Variants in MORC1 observed in about 807,000 individuals in gnomAD.
MORC1 encodes MORC family CW-type zinc finger protein 1.
Under a neutral mutation model 134.9 loss-of-function variants are expected in MORC1, and 59 were observed. The observed-to-expected ratio is 0.44, with a 90% CI of 0.35 to 0.54. MORC1 has a LOEUF of 0.54. Among genes scored for constraint, MORC1 ranks in the 20% least tolerant of loss-of-function variants. MORC1 has a pLI of 0.00. For missense variants in MORC1, 947 were observed against 1,134.5 expected, an observed-to-expected ratio of 0.83 and a Z score of 2.37; for synonymous variants, 395 against 391.7, an observed-to-expected ratio of 1.01 and a Z score of -0.10.
Position 109,099,485 on chromosome 3 carries a change from ACAT to A in MORC1, c.315-22_315-20del. 6.4e-7 allele frequency: 1 copy of A among 1,572,614 alleles called. No individual in the cohort carries two copies. The highest frequency in any genetic ancestry group is 8.7e-7 in the Non-Finnish European group (1 of 1,152,990). ...GGACCCACTATATTAAAAATGAAGA[ACAT>A]CATGTTTTACACCTCAAATACTAAA... On this transcript the variant is annotated intron_variant, in intron 5 of 27. Transcript: ENST00000232603.
At chr3:109,003,774 T>C (rs796766534) in intron 20 of MORC1, among the ~76,000 whole-genome samples, 4 of 152,100 alleles carry the variant, frequency 2.6e-5, no homozygotes, top group Non-Finnish European at 4.4e-5. Context: ...GCTCATATAG[T>C]CTCAAGAAAA....
intron 21 of MORC1, among the ~76,000 whole-genome samples, chr3:108,993,132 C>A (rs1019655956): frequency 6.6e-6 from 1 of 152,098 alleles, no homozygotes; most frequent in African/African-American, 2.4e-5. Context: ...CAGCCTGTAT[C>A]CTTTCCATAA....
intron 16 of MORC1, 56 bp downstream of exon 16, chr3:109,032,664 T>C (rs1949267610): frequency 8.1e-7 from 1 of 1,233,390 alleles, no homozygotes; most frequent in Non-Finnish European, 1.1e-6. Context: ...GGTTCATACA[T>C]ATGAACTTTA....
chr3:109,014,946 C>T (rs549011914), intron 17 of MORC1, among the ~76,000 whole-genome samples: 3 of 152,166 alleles, frequency 2.0e-5, no homozygotes, highest in Admixed American at 6.5e-5. Flanking sequence ...AGTGCAGTGG[C>T]GTAATCTCGG....
At chr3:109,005,908 C>A (rs529901785) in intron 18 of MORC1, among the ~76,000 whole-genome samples, 88 of 152,296 alleles carry the variant, frequency 5.8e-4, no homozygotes, top group African/African-American at 2.1e-3. Flanking sequence ...CGCAACAGTG[C>A]TGAGGGCTCA....
rs780978522 is a variant in MORC1 at position 108,971,414 on chromosome 3, A to G, written c.2478-12T>C. On this transcript the variant is annotated splice_polypyrimidine_tract_variant and intron_variant, in intron 24 of 27. Coordinates refer to ENST00000232603, the MANE Select transcript of MORC1 (RefSeq NM_014429.4). Reference sequence around the variant, plus strand: ...ACAGAAGAATCTCCCTAGGAATACAAGCACAGCAGATATGGGAATATACTA... The same window carrying G: ...ACAGAAGAATCTCCCTAGGAATACAGGCACAGCAGATATGGGAATATACTA... The G allele has an allele frequency of 3.1e-6, 5 of 1,606,292 alleles. No homozygotes were observed. Among genetic ancestry groups the G allele is most frequent in the Non-Finnish European group, 4.3e-6 (5 of 1,173,178 alleles).
At chr3:108,985,898 T>C (rs1163497846) in intron 22 of MORC1, among the ~76,000 whole-genome samples, 1 of 152,176 alleles carries the variant, frequency 6.6e-6, no homozygotes, top group Non-Finnish European at 1.5e-5. Flanking sequence ...GATGGTGGAA[T>C]TGCAAATTAT....
At chr3:108,981,230 T>A (rs1263781863) in intron 23 of MORC1, among the ~76,000 whole-genome samples, 1 of 152,208 alleles carries the variant, frequency 6.6e-6, no homozygotes. Flanking sequence ...CCTTTCATGC[T>A]GATGTCCATA....
intron 8 of MORC1, among the ~76,000 whole-genome samples, chr3:109,090,484 G>A (rs982070563): frequency 1.3e-5 from 2 of 151,856 alleles, no homozygotes; most frequent in African/African-American, 4.8e-5. Context: ...GCCTGGAGTA[G>A]TGGCACATGC....
In MORC1 at chr3:109,110,753, A is replaced by G; in HGVS notation, c.150T>C (p.Phe50=). Residue 50 remains phenylalanine (F), a synonymous_variant, in exon 3 of 28, where the codon TTT becomes TTC. Transcript: ENST00000232603. The stretch of plus-strand genomic sequence containing the variant: ...GAAGAAAGCAAATCTGCTCACCTGA[A>G]AAGACATCAAGTCTTTCAGCCCCTG... ...RDAGAERLDV[F]SVDNEKLQGG... 6.3e-7 allele frequency: 1 copy of G among 1,586,730 alleles called. No homozygotes were observed. Among genetic ancestry groups the G allele is most frequent in the Non-Finnish European group, 8.5e-7 (1 of 1,173,224 alleles).
At chr3:108,979,689 T>C (rs902495749) in intron 23 of MORC1, 22 bp from the exon 24 acceptor site, 8 of 1,609,242 alleles carry the variant, frequency 5.0e-6, no homozygotes, top group Non-Finnish European at 6.8e-6. Flanking sequence ...CATTTCAAAG[T>C]AGAAATCATG....
At chr3:109,059,723 C>T in intron 12 of MORC1, 83 bp downstream of exon 12, 1 of 1,204,464 alleles carries the variant, frequency 8.3e-7, no homozygotes, top group South Asian at 1.5e-5. Context: ...TCACAATAAC[C>T]ACTAAATCTG....
chr3:108,977,498 T>C (rs751845483), intron 24 of MORC1, among the ~76,000 whole-genome samples: 3 of 152,184 alleles, frequency 2.0e-5, no homozygotes, highest in African/African-American at 7.2e-5. Flanking sequence ...ATAATAGGCA[T>C]GAGCCACGGT....
chr3:108,997,629 A>G (rs1176383584), intron 21 of MORC1, among the ~76,000 whole-genome samples: 1 of 152,232 alleles, frequency 6.6e-6, no homozygotes, highest in Non-Finnish European at 1.5e-5. Context: ...GTAGGGAGGG[A>G]AGTTAGGAAA....
At chr3:109,000,782 A>C in intron 20 of MORC1, 124 bp from the exon 21 acceptor site, 1 of 672,642 alleles carries the variant, frequency 1.5e-6, no homozygotes. Context: ...TATAGCGAAA[A>C]TTCAATTTCC....
intron 17 of MORC1, among the ~76,000 whole-genome samples, chr3:109,007,978 C>T (rs1399301538): frequency 6.9e-6 from 1 of 143,920 alleles, no homozygotes; most frequent in Non-Finnish European, 1.6e-5. Context: ...CATATATATA[C>T]AAATTTTTCC....
chr3:108,986,944 T>C lies in MORC1; in HGVS notation c.2193A>G (p.Ser731=), dbSNP rs779662565. The change falls in exon 22 of 28, where the codon TCA becomes TCG. Residue 731 remains serine (S), a synonymous_variant. Transcript: ENST00000232603. ...NTSDSDIILV[S]DKSNTDVSLK... ...ATGAAACATCAGTGTTGCTTTTATCTGAAACCTGAAAAACAAGCTCTTTAT... is the reference window on the plus strand; with the variant it reads ...ATGAAACATCAGTGTTGCTTTTATCCGAAACCTGAAAAACAAGCTCTTTAT... The C allele has an allele frequency of 1.3e-6, 2 of 1,564,500 alleles. No individual in the cohort carries two copies. The highest frequency in any genetic ancestry group is 1.4e-5 in the African/African-American group (1 of 72,558).
intron 21 of MORC1, among the ~76,000 whole-genome samples, chr3:108,994,345 T>A (rs1948142274): frequency 6.6e-6 from 1 of 151,924 alleles, no homozygotes; most frequent in Non-Finnish European, 1.5e-5. Context: ...TGAGGCCAGC[T>A]GCAAGCCAAA....
At chr3:109,116,432 G>A (rs929345601) in intron 1 of MORC1, among the ~76,000 whole-genome samples, 2 of 152,106 alleles carry the variant, frequency 1.3e-5, no homozygotes, top group Non-Finnish European at 2.9e-5. Context: ...GAGGTAAAGG[G>A]AGAAATTTAA....
Sources: gnomAD v4.1 joint callset for allele counts (sites outside exome capture counted in the v4.1 genomes callset) on GRCh38, gnomAD v4.1.1 for gene constraint, MANE v1.5 for transcripts, NCBI Gene and HGNC (gene_info 2026-07-23, HGNC 2026-07-21) for gene names.